Variants in DSC2 observed in about 807,000 individuals in gnomAD.
DSC2 encodes the protein desmocollin-2.
Under a neutral mutation model 87.6 loss-of-function variants are expected in DSC2, and 51 were observed. That is an observed-to-expected ratio of 0.58 (90% confidence interval 0.46 to 0.74). The LOEUF (loss-of-function observed/expected upper bound fraction) is 0.74, where lower values mean the gene tolerates loss of function less well. Among genes scored for constraint, DSC2 ranks in the 30% least tolerant of loss-of-function variants. The pLI is 0.00. For synonymous variants in DSC2, 383 were observed against 393.2 expected, an observed-to-expected ratio of 0.97 and a Z score of 0.31; for missense variants, 1,066 against 1,089.5, an observed-to-expected ratio of 0.98 and a Z score of 0.30.
At chr18:31,070,977 A>T in intron 13 of DSC2, 127 bp from the exon 14 acceptor site, 1 of 1,199,192 alleles carries the variant, frequency 8.3e-7, no homozygotes. Context: ...GCTTTCCTGG[A>T]TTGCTTGTGT....
chr18:31,082,600 G>A (rs1432232197), intron 8 of DSC2, among the ~76,000 whole-genome samples, 177 bp from the exon 9 acceptor site: 1 of 152,118 alleles, frequency 6.6e-6, no homozygotes, highest in African/African-American at 2.4e-5. Context: ...CATGAGGGGT[G>A]GATGGGGATG....
At chr18:31,073,583 G>T (rs1452112153) in intron 12 of DSC2, among the ~76,000 whole-genome samples, 3 of 152,076 alleles carry the variant, frequency 2.0e-5, no homozygotes, top group African/African-American at 7.2e-5. Flanking sequence ...AGGAAATTGA[G>T]GGATATTCAC....
rs1297312106 is a variant in DSC2 at position 31,065,734 on chromosome 18, G to A, written c.*2281C>T. 6.6e-6 allele frequency: 1 copy of A among 152,168 alleles called. No homozygotes were observed. The highest frequency in any genetic ancestry group is 1.5e-5 in the Non-Finnish European group (1 of 68,036). 9.4% of individuals were successfully genotyped at this position (152,168 alleles called of 1,614,324 possible). On this transcript the variant is annotated 3_prime_UTR_variant, in exon 16 of 16. Transcript: ENST00000280904. The stretch of plus-strand genomic sequence containing the variant: ...TTAGAATTAGTGCCCATTTTAAGAA[G>A]CAGATGTTCTGCTTTTCATCCAATT...
chr18:31,085,495 C>T (rs1004239633), intron 7 of DSC2, among the ~76,000 whole-genome samples: 8 of 151,204 alleles, frequency 5.3e-5, no homozygotes, highest in Non-Finnish European at 7.4e-5. Flanking sequence ...ATAATTTAAA[C>T]TTTCCTTAGT....
At chr18:31,089,202 C>T (rs1310265723) in intron 5 of DSC2, among the ~76,000 whole-genome samples, 1 of 146,868 alleles carries the variant, frequency 6.8e-6, no homozygotes, top group African/African-American at 2.5e-5. Context: ...CAAAGTGGTA[C>T]TGTTGTGGGG....
intron 12 of DSC2, among the ~76,000 whole-genome samples, chr18:31,073,043 G>T (rs980190145): frequency 6.6e-6 from 1 of 152,094 alleles, no homozygotes; most frequent in African/African-American, 2.4e-5. Flanking sequence ...AACAAACAGG[G>T]AAGAACCAGC....
At chr18:31,072,372 C>T (rs929272268) in intron 12 of DSC2, among the ~76,000 whole-genome samples, 12 of 152,314 alleles carry the variant, frequency 7.9e-5, no homozygotes, top group African/African-American at 2.9e-4. Context: ...GGTCATGAGT[C>T]ACACAGCTGC....
rs769576778 is a variant in DSC2, at chr18:31,091,074, G to A, written c.428C>T (p.Ser143Leu). 9 of 1,613,968 alleles carry A rather than the reference G, an allele frequency of 5.6e-6. No homozygotes were observed. The highest frequency in any genetic ancestry group is 2.2e-5 in the East Asian group (1 of 44,860). The change falls in exon 4 of 16, where the codon TCG becomes TTG. Residue 143 changes from serine (S) to leucine (L), a missense_variant. Coordinates refer to ENST00000280904, the MANE Select transcript of DSC2 (RefSeq NM_024422.6). ...AKRRWAPIPCSMLENSLGPFP... is the reference protein window; with the variant it reads ...AKRRWAPIPCLMLENSLGPFP... ...AGGACCCAAGGAGTTTTCTAGCATC[G>A]AACAAGGAATTGGAGCCCATCTTCT...
rs1292385631 is a variant in DSC2 at position 31,089,542 on chromosome 18, G to A, written c.527C>T (p.Pro176Leu). The change falls in exon 5 of 16, where the codon CCT becomes CTT. Residue 176 changes from proline to leucine, a missense_variant. Transcript: ENST00000280904. ...ATTCCGAGGTTCTTGGTCAACTCCA[G>A]GACCTCTTATGGAATAGTATATGGT... ...NYTIYYSIRGPGVDQEPRNLF... is the reference protein window; with the variant it reads ...NYTIYYSIRGLGVDQEPRNLF... 3 of 1,613,922 alleles carry A rather than the reference G, an allele frequency of 1.9e-6. No homozygotes were observed. The highest frequency in any genetic ancestry group is 1.7e-6 in the Non-Finnish European group (2 of 1,179,948).
intron 7 of DSC2, among the ~76,000 whole-genome samples, chr18:31,083,432 C>A (rs1987298640): frequency 6.6e-6 from 1 of 152,078 alleles, no homozygotes; most frequent in Non-Finnish European, 1.5e-5. Flanking sequence ...AATATAGATT[C>A]AATTGGTTTT....
intron 4 of DSC2, among the ~76,000 whole-genome samples, chr18:31,089,979 C>A (rs917359305): frequency 6.6e-6 from 1 of 151,942 alleles, no homozygotes; most frequent in Non-Finnish European, 1.5e-5. Context: ...CATTTAAGAA[C>A]CGAGTTTAAA....
intron 12 of DSC2, 91 bp from the exon 13 acceptor site, chr18:31,071,932 C>T: frequency 8.5e-7 from 1 of 1,171,550 alleles, no homozygotes; most frequent in Non-Finnish European, 1.2e-6. Flanking sequence ...GTTATATTTT[C>T]CTAGAAACAG....
chr18:31,061,428 A>G lies in DSC2; in HGVS notation c.*6587T>C, dbSNP rs958789223. On this transcript the variant is annotated 3_prime_UTR_variant, in exon 16 of 16. Transcript: ENST00000280904. Reference sequence around the variant, plus strand: ...CCTTGCCATTTCCCATGCACCAACTATCACTCCATACGGAGGCACATCAGT... The same window carrying G: ...CCTTGCCATTTCCCATGCACCAACTGTCACTCCATACGGAGGCACATCAGT... 2.6e-5 allele frequency: 4 copies of G among 152,254 alleles called. No individual in the cohort carries two copies. The highest frequency in any genetic ancestry group is 4.4e-5 in the Non-Finnish European group (3 of 68,074). The allele number at this position is 152,254 out of a possible 1,614,324, so 9.4% of individuals were successfully genotyped here. A position where few individuals can be genotyped will look rare whatever the true frequency, so the allele number is the denominator to read the frequency against.
chr18:31,088,139 G>C (rs1374368865), intron 5 of DSC2, among the ~76,000 whole-genome samples: 2 of 151,884 alleles, frequency 1.3e-5, no homozygotes, highest in African/African-American at 4.8e-5. Flanking sequence ...TCTTTATTTT[G>C]CTTTGTTTGA....
chr18:31,085,016 T>C (rs527315725), intron 7 of DSC2, among the ~76,000 whole-genome samples: 2 of 152,194 alleles, frequency 1.3e-5, no homozygotes, highest in African/African-American at 2.4e-5. Context: ...AAGTGTAAGA[T>C]AGAGCAATGG....
intron 3 of DSC2, chr18:31,091,573 T>A (rs1987600852): frequency 8.7e-6 from 4 of 459,136 alleles, no homozygotes; most frequent in Non-Finnish European, 1.7e-5. Context: ...GAGATCTGTG[T>A]CAGAATGAGG....
In DSC2 at chr18:31,064,075, G is replaced by A. The variant is rs1403500175; in HGVS notation, c.*3940C>T. 1 of 152,414 alleles carries A rather than the reference G, an allele frequency of 6.6e-6. No individual in the cohort carries two copies. The highest frequency in any genetic ancestry group is 2.4e-5 in the African/African-American group (1 of 41,420). 9.4% of individuals were successfully genotyped at this position (152,414 alleles called of 1,614,324 possible). Reference sequence around the variant, plus strand: ...ATATTGATCAGGAATGAAGTGAAGAGTGGGAACAGCTGACATAGGGTACAC... The same window carrying A: ...ATATTGATCAGGAATGAAGTGAAGAATGGGAACAGCTGACATAGGGTACAC... On this transcript the variant is annotated 3_prime_UTR_variant, in exon 16 of 16. Coordinates refer to ENST00000280904, the MANE Select transcript of DSC2 (RefSeq NM_024422.6).
chr18:31,102,071 T>C lies in DSC2; in HGVS notation c.-100A>G. ...CCGGAGCGCAGTCTGGGCCCGCTGCTCAGGAGGAGCGCGAGGCGGAGGAGG... is the reference window on the plus strand; with the variant it reads ...CCGGAGCGCAGTCTGGGCCCGCTGCCCAGGAGGAGCGCGAGGCGGAGGAGG... On this transcript the variant is annotated 5_prime_UTR_variant, in exon 1 of 16. Coordinates refer to ENST00000280904, the MANE Select transcript of DSC2 (RefSeq NM_024422.6). 1 of 1,070,928 alleles carries C rather than the reference T, an allele frequency of 9.3e-7. No homozygotes were observed. Among genetic ancestry groups the C allele is most frequent in the Non-Finnish European group, 1.2e-6 (1 of 804,324 alleles). The allele number at this position is 1,070,928 out of a possible 1,614,324, so 66.3% of individuals were successfully genotyped here.
At chr18:31,101,808 TCCC>T in intron 1 of DSC2, 92 bp downstream of exon 1, 1 of 1,323,902 alleles carries the variant, frequency 7.6e-7, no homozygotes, top group Non-Finnish European at 1.0e-6. Context: ...CCCCAGCTTT[TCCC>T]GCCACCCCCA....
Sources: gnomAD v4.1 joint callset for allele counts (sites outside exome capture counted in the v4.1 genomes callset) on GRCh38, gnomAD v4.1.1 for gene constraint, MANE v1.5 for transcripts, NCBI Gene and HGNC (gene_info 2026-07-23, HGNC 2026-07-21) for gene names.